Variants in INSYN2A observed in about 807,000 individuals in gnomAD.
The protein encoded by INSYN2A is inhibitory synaptic factor 2A, also known as family with sequence similarity 196 member A.
A neutral mutation model predicts 39.4 loss-of-function variants in INSYN2A; 17 were observed. The observed-to-expected ratio is 0.43, with a 90% confidence interval of 0.30 to 0.65. INSYN2A has a LOEUF of 0.65. INSYN2A is among the 30% of genes least tolerant of loss of function. INSYN2A has a pLI of 0.14. For synonymous variants in INSYN2A, 255 were observed against 265.7 expected (o/e 0.96, Z 0.39); for missense variants, 595 against 631.2 (o/e 0.94, Z 0.61).
rs1346877417 is a variant in INSYN2A at position 127,175,216 on chromosome 10, C to T, written c.1180G>A (p.Glu394Lys). ...QELEKGEAHR[E>K]GLSYRTGQDT... ...GACATGGGTGAACATACATACCCTT[C>T]CCGATGGGCCTCTCCTTTTTCCAAC... Residue 394 changes from glutamate (E) to lysine (K), a missense_variant, in exon 4 of 6, where the codon GAA becomes AAA. Physicochemically the swap from Glu to Lys is moderately conservative, Grantham distance 56. Around this residue, in one of 2 missense-constraint regions of INSYN2A, gnomAD observed 117 missense variants for 163.8 expected, o/e 0.71. Coordinates refer to ENST00000522781, the MANE Select transcript of INSYN2A (RefSeq NM_001039762.3). This position sits in a 1 kb window ranked among gnomAD's most constrained non-coding sequence, Gnocchi z 6.3. 6.2e-7 allele frequency: 1 copy of T among 1,610,958 alleles called. No individual in the cohort carries two copies. Among genetic ancestry groups the T allele is most frequent in the African/African-American group, 1.3e-5 (1 of 74,860 alleles).
chr10:127,175,725 A>G lies in INSYN2A; in HGVS notation c.671T>C (p.Leu224Pro). The G allele has an allele frequency of 6.2e-7, 1 of 1,614,000 alleles. No homozygotes were observed. Among genetic ancestry groups the G allele is most frequent in the Non-Finnish European group, 8.5e-7 (1 of 1,179,996 alleles). ...CCGGTCCTGCTTGGCCCTCCCGAGC[A>G]GCTGGTAATCGGGCTCTTCGGATGG... ...RPPSEEPDYQ[L>P]LGRAKQDRGR... The change falls in exon 4 of 6, where the codon CTG (leucine) becomes CCG (proline). Residue 224 changes from leucine to proline, a missense_variant. Physicochemically the swap from Leu to Pro is moderately conservative, Grantham distance 98. Transcript: ENST00000522781. The surrounding 1 kb of genome is among the most constrained non-coding windows in gnomAD (Gnocchi z 6.3).
chr10:127,174,945 T>G (rs2054940554), intron 4 of INSYN2A, among the ~76,000 whole-genome samples: 3 of 152,292 alleles, frequency 2.0e-5, no homozygotes, highest in South Asian at 4.1e-4. Context: ...AAAGGAAAGG[T>G]CTATCAATTC....
intron 5 of INSYN2A, among the ~76,000 whole-genome samples, chr10:127,143,797 G>A (rs1402840138): frequency 2.0e-5 from 3 of 152,090 alleles, no homozygotes; most frequent in East Asian, 1.9e-4. Context: ...ATGTGACCCT[G>A]GCCACCTCGC....
In INSYN2A at chr10:127,137,806, G is replaced by T; in HGVS notation, c.*31C>A. 1 of 1,588,690 alleles carries T rather than the reference G, an allele frequency of 6.3e-7. No individual in the cohort carries two copies. The highest frequency in any genetic ancestry group is 8.6e-7 in the Non-Finnish European group (1 of 1,168,096). ...GACTTAAACTCCAGTGGGTTCTAAA[G>T]ACGGCCTCGAGACTCCAGACACCGT... On this transcript the variant is annotated 3_prime_UTR_variant, in exon 6 of 6. Transcript: ENST00000522781.
rs1236308380 is a variant in INSYN2A at position 127,136,080 on chromosome 10, A to C, written c.*1757T>G. The stretch of plus-strand genomic sequence containing the variant: ...TGATATTCAGGGATTCGAACTTCAT[A>C]TAGTGTTTCCGCAGAGGATGTGTGT... On this transcript the variant is annotated 3_prime_UTR_variant, in exon 6 of 6. Coordinates refer to ENST00000522781, the MANE Select transcript of INSYN2A (RefSeq NM_001039762.3). 1.3e-5 allele frequency: 2 copies of C among 152,494 alleles called. No individual in the cohort carries two copies. Among genetic ancestry groups the C allele is most frequent in the Non-Finnish European group, 2.9e-5 (2 of 68,034 alleles). The allele number at this position is 152,494 out of a possible 1,614,324, so 9.4% of individuals were successfully genotyped here.
Position 127,136,159 on chromosome 10 carries a change from C to T in INSYN2A, c.*1678G>A, listed in dbSNP as rs572685664. ...TACAACTGCAGTGTTGTTTGGCCCC[C>T]GAAGAATGTTTACACGACATACTCT... On this transcript the variant is annotated 3_prime_UTR_variant, in exon 6 of 6. Transcript: ENST00000522781. The T allele has an allele frequency of 5.3e-5, 8 of 151,800 alleles. No individual in the cohort carries two copies. The highest frequency in any genetic ancestry group is 1.2e-4 in the African/African-American group (5 of 41,308). The allele number at this position is 151,800 out of a possible 1,614,324, so 9.4% of individuals were successfully genotyped here. A position where few individuals can be genotyped will look rare whatever the true frequency, so the allele number is the denominator to read the frequency against.
intron 5 of INSYN2A, among the ~76,000 whole-genome samples, chr10:127,144,754 A>G (rs1432089714): frequency 1.3e-5 from 2 of 152,202 alleles, no homozygotes; most frequent in African/African-American, 4.8e-5. Flanking sequence ...CACTTTAAAT[A>G]TAGAAATGAT....
intron 5 of INSYN2A, among the ~76,000 whole-genome samples, chr10:127,139,811 C>T (rs953882249): frequency 3.9e-5 from 6 of 152,126 alleles, no homozygotes; most frequent in Non-Finnish European, 8.8e-5. Context: ...CAATCTCTCC[C>T]CACTGAAAAA....
intron 2 of INSYN2A, among the ~76,000 whole-genome samples, chr10:127,179,745 C>T (rs1321297860): frequency 6.6e-6 from 1 of 152,186 alleles, no homozygotes; most frequent in African/African-American, 2.4e-5. Flanking sequence ...GTGGAACCTT[C>T]TCCCACACTA....
At chr10:127,192,128 CA>C (rs1437239682) in intron 2 of INSYN2A, among the ~76,000 whole-genome samples, 3 of 152,132 alleles carry the variant, frequency 2.0e-5, no homozygotes, top group Admixed American at 1.3e-4. Flanking sequence ...GTATGCTGTG[CA>C]GAGATGTAAG....
intron 1 of INSYN2A, among the ~76,000 whole-genome samples, chr10:127,195,525 C>CT (rs201799264): frequency 0.013 from 2,010 of 151,628 alleles, 27 homozygotes; most frequent in Non-Finnish European, 0.019. Flanking sequence ...CCAACTCATC[C>CT]CCCCCCCGAA....
At chr10:127,167,539 C>T (rs1041895984) in intron 4 of INSYN2A, among the ~76,000 whole-genome samples, 2 of 152,060 alleles carry the variant, frequency 1.3e-5, no homozygotes, top group African/African-American at 4.8e-5. Flanking sequence ...TATTATAAGG[C>T]AGTGGCTGAA....
At chr10:127,192,331 A>G (rs944347615) in intron 2 of INSYN2A, among the ~76,000 whole-genome samples, 7 of 152,234 alleles carry the variant, frequency 4.6e-5, no homozygotes, top group African/African-American at 9.6e-5. Context: ...AAAGGTTTAT[A>G]GAGTAATTTA....
chr10:127,188,683 C>T (rs2056494174), intron 2 of INSYN2A, among the ~76,000 whole-genome samples: 1 of 152,184 alleles, frequency 6.6e-6, no homozygotes, highest in Non-Finnish European at 1.5e-5. Flanking sequence ...CCTTCCCCTC[C>T]ACTTAATAGC....
chr10:127,156,559 CTTCTTTTTTTTTT>C (rs1592273544), intron 4 of INSYN2A, among the ~76,000 whole-genome samples: 1 of 60,180 alleles, frequency 1.7e-5, no homozygotes, highest in African/African-American at 7.9e-5. Context: ...TCTTCTTCTT[CTTCTTTTTTTTTT>C]TTTTTTTTTT....
intron 5 of INSYN2A, among the ~76,000 whole-genome samples, chr10:127,139,836 C>T (rs2051052692): frequency 6.6e-6 from 1 of 152,136 alleles, no homozygotes; most frequent in African/African-American, 2.4e-5. Context: ...CATGAACGAG[C>T]CTCCTAAACT....
chr10:127,166,369 A>G (rs1319023443), intron 4 of INSYN2A, among the ~76,000 whole-genome samples: 2 of 152,182 alleles, frequency 1.3e-5, no homozygotes, highest in African/African-American at 4.8e-5. Flanking sequence ...CCGGCCCAAA[A>G]AAATGCCTGC....
intron 4 of INSYN2A, among the ~76,000 whole-genome samples, chr10:127,174,425 G>C (rs1021763743): frequency 2.6e-5 from 4 of 152,212 alleles, no homozygotes; most frequent in African/African-American, 7.2e-5. Context: ...GCACTGGGGA[G>C]CTCAAGAACT....
At chr10:127,149,409 C>T (rs1478775340) in intron 5 of INSYN2A, among the ~76,000 whole-genome samples, 2 of 152,186 alleles carry the variant, frequency 1.3e-5, no homozygotes, top group East Asian at 3.8e-4. Flanking sequence ...TGATGCTTTT[C>T]CCTAGTCCTC....
Sources: allele counts gnomAD v4.1 joint callset (sites outside exome capture counted in the v4.1 genomes callset), GRCh38; gene constraint gnomAD v4.1.1; regional missense constraint gnomAD v4.1.1; non-coding constraint Gnocchi (gnomAD v3.1); transcripts MANE v1.5; gene names NCBI Gene and HGNC (gene_info 2026-07-23, HGNC 2026-07-21).